The following CSGALNACT1 variants were observed in gnomAD, a reference collection of about 807,000 sequenced individuals.
CSGALNACT1 encodes beta4GalNAcT-1.
A neutral mutation model predicts 51.0 loss-of-function variants in CSGALNACT1; 52 were observed. That is an observed-to-expected ratio of 1.02 (90% CI 0.82 to 1.29). The LOEUF is 1.29. Ranked by LOEUF, CSGALNACT1 falls within the 50% of genes most tolerant of loss-of-function variation. CSGALNACT1 has a pLI of 0.00. For missense variants in CSGALNACT1, 935 were observed against 679.2 expected (o/e 1.38, Z -4.19); for synonymous variants, 341 against 254.4 (o/e 1.34, Z -3.24).
rs140331870 is a variant in CSGALNACT1 at position 19,485,546 on chromosome 8, T to C, written c.634+19655A>G. On this transcript the variant is annotated intron_variant, in intron 4 of 9. Transcript: ENST00000454498. ...GCTCCTAACAGCTATTAGGCTTTCT[T>C]CCCTAAGGGCTAAACAGCAGCCAGC... is the stretch of plus-strand genomic sequence containing the variant. 1.3e-3 allele frequency among the ~76,000 whole-genome samples: 199 copies of C among 152,144 alleles called. 2 individuals carry two copies. The highest frequency in any genetic ancestry group is 4.2e-3 in the African/African-American group (175 of 41,514).
At chr8:19,445,384 A>G (rs2061952207) in intron 5 of CSGALNACT1, among the ~76,000 whole-genome samples, 3 of 152,228 alleles carry the variant, frequency 2.0e-5, no homozygotes, top group South Asian at 4.1e-4. Flanking sequence ...CATTTTTCTA[A>G]TAACATCTTT....
chr8:19,410,964 A>G (rs1208068983), intron 8 of CSGALNACT1, among the ~76,000 whole-genome samples: 1 of 152,230 alleles, frequency 6.6e-6, no homozygotes, highest in Non-Finnish European at 1.5e-5. Context: ...TCAAGCACAC[A>G]TCCGATTATA....
intron 6 of CSGALNACT1, 117 bp from the exon 6 acceptor site, chr8:19,420,635 G>A: frequency 9.4e-7 from 1 of 1,058,202 alleles, no homozygotes; most frequent in Non-Finnish European, 1.5e-6. Flanking sequence ...TAACCTGAGG[G>A]CACTGGGACT....
intron 1 of CSGALNACT1, among the ~76,000 whole-genome samples, chr8:19,713,382 T>C (rs1036680365): frequency 7.2e-5 from 11 of 151,870 alleles, no homozygotes; most frequent in East Asian, 5.8e-4. Flanking sequence ...TAGAAGAAAA[T>C]TGTATAAAGA....
intron 1 of CSGALNACT1, among the ~76,000 whole-genome samples, chr8:19,608,810 T>C (rs1400048730): frequency 1.3e-5 from 2 of 152,176 alleles, no homozygotes; most frequent in Admixed American, 6.5e-5. Flanking sequence ...GATGAAGAAA[T>C]TAAATCTTTC....
At chr8:19,490,366 G>A (rs1161524172) in intron 4 of CSGALNACT1, among the ~76,000 whole-genome samples, 1 of 152,154 alleles carries the variant, frequency 6.6e-6, no homozygotes, top group Non-Finnish European at 1.5e-5. Context: ...ACTTTTGACA[G>A]TAGGGTCTTT....
intron 1 of CSGALNACT1, among the ~76,000 whole-genome samples, chr8:19,677,999 C>T (rs1344210059): frequency 1.3e-5 from 2 of 151,970 alleles, no homozygotes; most frequent in Admixed American, 1.3e-4. Flanking sequence ...ACCTATAATC[C>T]CAGCTACTTG....
intron 1 of CSGALNACT1, among the ~76,000 whole-genome samples, chr8:19,637,637 T>G (rs1301144597): frequency 1.1e-4 from 16 of 152,206 alleles, no homozygotes; most frequent in Admixed American, 1.0e-3. Context: ...GCAGCACATC[T>G]AGTAAGGAGT....
chr8:19,699,289 G>A (rs2061737778), intron 1 of CSGALNACT1, among the ~76,000 whole-genome samples: 1 of 152,178 alleles, frequency 6.6e-6, no homozygotes, highest in South Asian at 2.1e-4. Context: ...AAGGCCAAGT[G>A]TATACCCAAA....
At chr8:19,660,021 T>C (rs1468576394) in intron 1 of CSGALNACT1, among the ~76,000 whole-genome samples, 1 of 152,250 alleles carries the variant, frequency 6.6e-6, no homozygotes, top group Non-Finnish European at 1.5e-5. Context: ...AGTACTATTA[T>C]TGTCCCAGTC....
intron 1 of CSGALNACT1, among the ~76,000 whole-genome samples, chr8:19,633,202 C>T (rs1206488398): frequency 3.9e-5 from 6 of 152,064 alleles, no homozygotes; most frequent in Non-Finnish European, 5.9e-5. Flanking sequence ...AGAGGGCTTC[C>T]CCAGGTCGTC....
intron 4 of CSGALNACT1, among the ~76,000 whole-genome samples, chr8:19,463,871 T>A (rs1014432865): frequency 6.6e-6 from 1 of 152,136 alleles, no homozygotes; most frequent in Non-Finnish European, 1.5e-5. Context: ...TGGGGACATC[T>A]CCATGTATCC....
intron 4 of CSGALNACT1, among the ~76,000 whole-genome samples, chr8:19,503,795 T>A (rs1297203242): frequency 6.6e-6 from 1 of 151,668 alleles, no homozygotes; most frequent in East Asian, 1.9e-4. Context: ...TTTTTTTTTT[T>A]AATCTCACAC....
chr8:19,655,589 TA>T (rs2058200925), intron 1 of CSGALNACT1, among the ~76,000 whole-genome samples: 1 of 150,528 alleles, frequency 6.6e-6, no homozygotes, highest in Non-Finnish European at 1.5e-5. Context: ...CATATATATA[TA>T]TATATATTTG....
At chr8:19,629,987 G>A (rs1338770449) in intron 1 of CSGALNACT1, among the ~76,000 whole-genome samples, 1 of 152,190 alleles carries the variant, frequency 6.6e-6, no homozygotes, top group African/African-American at 2.4e-5. Context: ...TCAGGGATCA[G>A]GGGAGTCCGA....
Position 19,619,255 on chromosome 8 carries a change from G to T in CSGALNACT1, c.-543-17390C>A, listed in dbSNP as rs116090239. 3.7e-4 allele frequency among the ~76,000 whole-genome samples: 54 copies of T among 146,188 alleles called. 1 individual carries two copies. The highest frequency in any genetic ancestry group is 5.9e-4 in the Non-Finnish European group (39 of 66,658). On this transcript the variant is annotated intron_variant, in intron 1 of 9. Transcript: ENST00000332246. ...GAGCATTCTAGACAGGGTCGGGGGG[G>T]GGTGGGCCTTGAAAAAAAGCACAGA...
intron 1 of CSGALNACT1, among the ~76,000 whole-genome samples, chr8:19,657,908 G>A (rs1040657388): frequency 8.6e-5 from 13 of 152,030 alleles, no homozygotes; most frequent in Non-Finnish European, 1.6e-4. Flanking sequence ...TTGTTAGATG[G>A]CCTGGGGGCA....
chr8:19,576,233 T>C (rs2044177590), intron 3 of CSGALNACT1, among the ~76,000 whole-genome samples: 1 of 152,204 alleles, frequency 6.6e-6, no homozygotes, highest in African/African-American at 2.4e-5. Flanking sequence ...TCTTGCTCTA[T>C]CGCCCAGGCT....
chr8:19,516,114 C>A (rs573275925), intron 3 of CSGALNACT1, among the ~76,000 whole-genome samples: 3 of 152,284 alleles, frequency 2.0e-5, no homozygotes, highest in African/African-American at 7.2e-5. Context: ...CCAACACCCT[C>A]CCCTCGTTCA....
Sources: allele counts gnomAD v4.1 joint callset (sites outside exome capture counted in the v4.1 genomes callset), GRCh38; gene constraint gnomAD v4.1.1; transcripts MANE v1.5; gene names NCBI Gene and HGNC (gene_info 2026-07-23, HGNC 2026-07-21).